Variants in PCDHGA1 observed in about 807,000 individuals in gnomAD.
The protein encoded by PCDHGA1 is protocadherin gamma-A1.
PCDHGA1 carries 32 observed loss-of-function variants against 58.0 expected under a neutral mutation model. The ratio of observed to expected loss-of-function variants is 0.55; its 90% CI spans 0.42 to 0.74. PCDHGA1 has a LOEUF of 0.74. Among genes scored for constraint, PCDHGA1 ranks in the 30% least tolerant of loss-of-function variants. The probability of loss-of-function intolerance (pLI) is 0.00; values close to 1 mark genes in which losing one functional copy is unlikely to be tolerated. For missense variants in PCDHGA1, 1,205 were observed against 1,182.3 expected (o/e 1.02, Z -0.28); for synonymous variants, 498 against 501.1 (o/e 0.99, Z 0.08).
In PCDHGA1 at chr5:141,489,091, T is replaced by TCAG. The variant is rs2099682519; in HGVS notation, c.2422-5716_2422-5715insCAG. On this transcript the variant is annotated intron_variant, in intron 1 of 3. Transcript: ENST00000517417. This position sits in a 1 kb window ranked among gnomAD's most constrained non-coding sequence, Gnocchi z 4.5. ...CTGCCCACCCCCGCCACTCGGTGACTAAGAACTGCTGCAAGCAGGCAAACC... is the reference window on the plus strand; with the variant it reads ...CTGCCCACCCCCGCCACTCGGTGACTCAGAAGAACTGCTGCAAGCAGGCAAACC... The TCAG allele has an allele frequency of 3.0e-6, 1 of 333,056 alleles. No individual in the cohort carries two copies. Among genetic ancestry groups the TCAG allele is most frequent in the Non-Finnish European group, 5.5e-6 (1 of 181,380 alleles). 20.6% of individuals were successfully genotyped at this position (333,056 alleles called of 1,614,324 possible). A position where few individuals can be genotyped will look rare whatever the true frequency, so the allele number is the denominator to read the frequency against.
chr5:141,440,905 C>A (rs986711694), intron 1 of PCDHGA1: 1 of 152,184 alleles, frequency 6.6e-6, no homozygotes, highest in East Asian at 1.9e-4. Context: ...TGCATCCGGG[C>A]ACTCCTGTGC....
chr5:141,422,605 G>A (rs2096658595), intron 1 of PCDHGA1: 1 of 1,613,898 alleles, frequency 6.2e-7, no homozygotes, highest in Non-Finnish European at 8.5e-7. Flanking sequence ...CTCTTACTCT[G>A]CCTACATTCC....
intron 1 of PCDHGA1, among the ~76,000 whole-genome samples, chr5:141,494,188 T>G (rs2099752632): frequency 6.6e-6 from 1 of 152,186 alleles, no homozygotes; most frequent in Non-Finnish European, 1.5e-5. Flanking sequence ...GTCCCGGGAC[T>G]TGGATGCCCC....
intron 1 of PCDHGA1, among the ~76,000 whole-genome samples, chr5:141,472,402 G>A (rs569497172): frequency 8.5e-5 from 13 of 152,160 alleles, no homozygotes; most frequent in South Asian, 2.1e-4. Context: ...TTAGCCAGGC[G>A]TGGTGGCACG....
intron 1 of PCDHGA1, chr5:141,421,703 G>A: frequency 1.2e-6 from 2 of 1,613,946 alleles, no homozygotes; most frequent in Middle Eastern, 1.6e-4. Context: ...CCTAATGCTA[G>A]GGATCCAGAT....
At chr5:141,355,185 C>G (rs1431983846) in intron 1 of PCDHGA1, 1 of 1,588,764 alleles carries the variant, frequency 6.3e-7, no homozygotes. Flanking sequence ...ACAGGCGACT[C>G]CGCGGCGGGG....
intron 1 of PCDHGA1, chr5:141,393,282 G>A (rs2150516370): frequency 1.2e-6 from 2 of 1,613,980 alleles, no homozygotes; most frequent in Non-Finnish European, 1.7e-6. Context: ...ACTCCCAGAA[G>A]CTGTTGACCC....
chr5:141,450,900 C>T (rs907024071), intron 1 of PCDHGA1, among the ~76,000 whole-genome samples: 9 of 151,048 alleles, frequency 6.0e-5, no homozygotes, highest in Non-Finnish European at 1.2e-4. Flanking sequence ...TATCGGCTCA[C>T]TGCAACCGCT....
chr5:141,486,138 C>T lies in PCDHGA1; in HGVS notation c.2422-8669C>T. On this transcript the variant is annotated intron_variant, in intron 1 of 3. Transcript: ENST00000517417. This position sits in a 1 kb window ranked among gnomAD's most constrained non-coding sequence, Gnocchi z 5.0. ...AATTACTATGAATTTGATGTGCGGG[C>T]TCGCGATGGGGGTTCTCCAGCCATG... The T allele has an allele frequency of 6.2e-7, 1 of 1,614,212 alleles. No individual in the cohort carries two copies. The highest frequency in any genetic ancestry group is 1.3e-5 in the African/African-American group (1 of 75,052).
At chr5:141,365,465 A>G in intron 1 of PCDHGA1, 1 of 1,614,024 alleles carries the variant, frequency 6.2e-7, no homozygotes, top group South Asian at 1.1e-5. Context: ...TTCTGGAGAA[A>G]ATGGTGAGAT....
chr5:141,337,123 A>G (rs1204119097), intron 1 of PCDHGA1, among the ~76,000 whole-genome samples: 1 of 152,074 alleles, frequency 6.6e-6, no homozygotes, highest in African/African-American at 2.4e-5. Context: ...AAGAAAAGAA[A>G]AGAAATGTTA....
At chr5:141,381,826 C>T (rs867772225) in intron 1 of PCDHGA1, among the ~76,000 whole-genome samples, 29 of 74,288 alleles carry the variant, frequency 3.9e-4, no homozygotes, top group Admixed American at 9.7e-4. Flanking sequence ...CTTTCTTCTT[C>T]TTTTTTTTTT....
chr5:141,483,133 T>C (rs1263073911), intron 1 of PCDHGA1, among the ~76,000 whole-genome samples: 25 of 152,142 alleles, frequency 1.6e-4, no homozygotes, highest in South Asian at 1.2e-3. Flanking sequence ...GGAGATGAGG[T>C]GAAGCAAGTA....
At position 141,477,271 on chromosome 5, in the gene PCDHGA1, G is replaced by T; in HGVS notation, c.2422-17536G>T. On this transcript the variant is annotated intron_variant, in intron 1 of 3. Transcript: ENST00000517417. The surrounding 1 kb of genome is among the most constrained non-coding windows in gnomAD (Gnocchi z 4.9). ...CTGACCTGGATGCTGGCGAGAACGG[G>T]CTGGTGACCTGCGAAGTTCCACCGG... The T allele has an allele frequency of 1.2e-6, 2 of 1,614,212 alleles. No homozygotes were observed. The highest frequency in any genetic ancestry group is 1.7e-6 in the Non-Finnish European group (2 of 1,180,044).
chr5:141,394,567 G>A, intron 1 of PCDHGA1: 1 of 1,614,040 alleles, frequency 6.2e-7, no homozygotes, highest in Non-Finnish European at 8.5e-7. Flanking sequence ...GCAGAGCGTG[G>A]CTACCTGGTG....
At chr5:141,376,640 T>TA in intron 1 of PCDHGA1, 1 of 1,130,380 alleles carries the variant, frequency 8.8e-7, no homozygotes, top group Non-Finnish European at 1.2e-6. Context: ...CGTGATTTTG[T>TA]AAAGTGGAAG....
intron 1 of PCDHGA1, chr5:141,357,591 A>C (rs1760669950): frequency 6.8e-6 from 11 of 1,614,152 alleles, no homozygotes; most frequent in Non-Finnish European, 9.3e-6. Flanking sequence ...CTCAGGATTT[A>C]CTTGAAACAA....
intron 1 of PCDHGA1, chr5:141,418,551 T>A (rs766987131): frequency 1.2e-6 from 2 of 1,614,026 alleles, no homozygotes; most frequent in South Asian, 2.2e-5. Context: ...ATAAGAATCC[T>A]GGTAATAGAT....
intron 1 of PCDHGA1, chr5:141,408,837 T>A: frequency 6.2e-7 from 1 of 1,613,716 alleles, no homozygotes; most frequent in Non-Finnish European, 8.5e-7. Flanking sequence ...AGCTTGATAT[T>A]GACTGCCTTG....
Sources: allele counts gnomAD v4.1 joint callset (sites outside exome capture counted in the v4.1 genomes callset), GRCh38; gene constraint gnomAD v4.1.1; non-coding constraint Gnocchi (gnomAD v3.1); transcripts MANE v1.5; gene names NCBI Gene and HGNC (gene_info 2026-07-23, HGNC 2026-07-21).